Variants in ZNF470 observed in about 807,000 individuals in gnomAD.
The protein encoded by ZNF470 is chondrogenesis zinc finger protein 1.
In ZNF470, 13 loss-of-function variants were observed where a neutral mutation model predicts 13.9. The ratio of observed to expected loss-of-function variants is 0.94; its 90% CI spans 0.61 to 1.49. The LOEUF (loss-of-function observed/expected upper bound fraction) is 1.49. Among genes scored for constraint, ZNF470 ranks in the 40% most tolerant of loss-of-function variants. The pLI is 0.00. For synonymous variants in ZNF470, 293 were observed against 282.9 expected, an observed-to-expected ratio of 1.04 and a Z score of -0.36; for missense variants, 929 against 857.3, an observed-to-expected ratio of 1.08 and a Z score of -1.04.
chr19:56,573,293 C>T (rs907671231), intron 3 of ZNF470, among the ~76,000 whole-genome samples: 3 of 152,088 alleles, frequency 2.0e-5, no homozygotes, highest in Admixed American at 1.3e-4. Flanking sequence ...AGATCTGTTT[C>T]TTCATTTAAT....
At position 56,578,429 on chromosome 19, in the gene ZNF470, AT is replaced by A. The variant is rs1181844095; in HGVS notation, c.2001del (p.His667GlnfsTer86). 5 of 1,612,404 alleles carry A rather than the reference AT, an allele frequency of 3.1e-6. No individual in the cohort carries two copies. Among genetic ancestry groups the A allele is most frequent in the Non-Finnish European group, 3.4e-6 (4 of 1,179,174 alleles). On this transcript the variant is annotated frameshift_variant, in exon 6 of 6. Coordinates refer to ENST00000330619, the MANE Select transcript of ZNF470 (RefSeq NM_001001668.4). LOFTEE classifies it low-confidence loss of function (END_TRUNC). ...AFSQVAHLTLHKRIHTGERPY... is the reference protein window; with the variant it reads ...AFSQVAHLTLXKRIHTGERPY... ...AGCCAGGTTGCCCATCTTACTCTAC[AT>A]AAGAGAATTCATACTGGAGAAAGGC...
chr19:56,574,384 G>A lies in ZNF470; in HGVS notation c.61-10G>A, dbSNP rs2044474819. Reference sequence around the variant, plus strand: ...ACTGAGTGAGCAAGATCATATTTGTGTCATTTTAGGGTTCAGTGACTTTCA... The same window carrying A: ...ACTGAGTGAGCAAGATCATATTTGTATCATTTTAGGGTTCAGTGACTTTCA... On this transcript the variant is annotated splice_polypyrimidine_tract_variant and intron_variant, in intron 3 of 5. Transcript: ENST00000330619. The A allele has an allele frequency of 6.2e-7, 1 of 1,613,424 alleles. No homozygotes were observed. Among genetic ancestry groups the A allele is most frequent in the Admixed American group, 1.7e-5 (1 of 59,984 alleles).
Position 56,579,785 on chromosome 19 carries a change from T to A in ZNF470, c.*1202T>A. The A allele has an allele frequency of 1.1e-6, 1 of 939,710 alleles. No individual in the cohort carries two copies. Among genetic ancestry groups the A allele is most frequent in the Non-Finnish European group, 1.3e-6 (1 of 788,436 alleles). The allele number at this position is 939,710 out of a possible 1,614,324, so 58.2% of individuals were successfully genotyped here. ...GCTAGACATGCCTCTGTATAGAAAA[T>A]CTGATAAAAATATTTCTCCCTAAAT... On this transcript the variant is annotated 3_prime_UTR_variant, in exon 6 of 6. Transcript: ENST00000330619.
intron 3 of ZNF470, 174 bp from the exon 4 acceptor site, chr19:56,574,220 A>G: frequency 9.5e-7 from 1 of 1,049,182 alleles, no homozygotes; most frequent in Non-Finnish European, 1.5e-6. Context: ...GTACAGCATA[A>G]CTAGGCAGAA....
chr19:56,578,980 C>T lies in ZNF470; in HGVS notation c.*397C>T. The T allele has an allele frequency of 1.0e-6, 1 of 992,652 alleles. No homozygotes were observed. The highest frequency in any genetic ancestry group is 1.2e-6 in the Non-Finnish European group (1 of 835,118). The allele number at this position is 992,652 out of a possible 1,614,324, so 61.5% of individuals were successfully genotyped here. On this transcript the variant is annotated 3_prime_UTR_variant, in exon 6 of 6. Transcript: ENST00000330619. ...TTTAGAGCAGACAGAAGACTACTCT[C>T]CTGGTAGAGAGGAAAGATGAACAAA...
Position 56,581,136 on chromosome 19 carries a change from T to G in ZNF470, c.*2553T>G. The G allele has an allele frequency of 4.4e-6, 4 of 899,912 alleles. No homozygotes were observed. Among genetic ancestry groups the G allele is most frequent in the Non-Finnish European group, 5.3e-6 (4 of 752,330 alleles). 55.7% of individuals were successfully genotyped at this position (899,912 alleles called of 1,614,324 possible). On this transcript the variant is annotated 3_prime_UTR_variant, in exon 6 of 6. Transcript: ENST00000330619. ...GTTTGCAACAGATATAATAAAGGAC[T>G]GTAATTCGTGATATTCAAAGTACTA... is the stretch of plus-strand genomic sequence containing the variant.
At chr19:56,571,131 A>G (rs1324412181) in intron 3 of ZNF470, among the ~76,000 whole-genome samples, 1 of 152,234 alleles carries the variant, frequency 6.6e-6, no homozygotes, top group African/African-American at 2.4e-5. Flanking sequence ...TGAACAGAGT[A>G]TGCAAAGGTT....
At position 56,578,482 on chromosome 19, in the gene ZNF470, G is replaced by A. The variant is rs761116292; in HGVS notation, c.2053G>A (p.Ala685Thr). The A allele has an allele frequency of 3.1e-6, 5 of 1,612,208 alleles. No individual in the cohort carries two copies. The Admixed American group carries it at 5.0e-5, about 16-fold the overall frequency. ...RPYECKECGK[A>T]FRQSVHLAHH... ...CTATGAGTGTAAAGAATGTGGAAAA[G>A]CCTTCAGGCAGAGTGTACATCTTGC... The change falls in exon 6 of 6, where the codon GCC becomes ACC. Residue 685 changes from alanine to threonine, a missense_variant. Coordinates refer to ENST00000330619, the MANE Select transcript of ZNF470 (RefSeq NM_001001668.4).
rs1369687688 is a variant in ZNF470, at chr19:56,582,590, G to T, written c.*4007G>T. The T allele has an allele frequency of 4.1e-6, 4 of 985,074 alleles. No individual in the cohort carries two copies. In the African/African-American group the frequency reaches 7.0e-5, roughly 17 times the overall value. 61.0% of individuals were successfully genotyped at this position (985,074 alleles called of 1,614,324 possible). ...GCCTCTACCACCACCAAATTTACTT[G>T]TTGAAGTCCTAAACCCCAACATGAC... On this transcript the variant is annotated 3_prime_UTR_variant, in exon 6 of 6. Transcript: ENST00000330619.
At position 56,578,764 on chromosome 19, in the gene ZNF470, A is replaced by G. The variant is rs1488678422; in HGVS notation, c.*181A>G. ...AGCCTAACCTTTTAAAAATAAAAAT[A>G]CATAATTTATGTTATTTTCCCATTT... On this transcript the variant is annotated 3_prime_UTR_variant, in exon 6 of 6. Coordinates refer to ENST00000330619, the MANE Select transcript of ZNF470 (RefSeq NM_001001668.4). The G allele has an allele frequency of 8.0e-7, 1 of 1,246,900 alleles. No individual in the cohort carries two copies. Among genetic ancestry groups the G allele is most frequent in the Admixed American group, 3.7e-5 (1 of 27,048 alleles). 77.2% of individuals were successfully genotyped at this position (1,246,900 alleles called of 1,614,324 possible). A position where few individuals can be genotyped will look rare whatever the true frequency, so the allele number is the denominator to read the frequency against.
intron 3 of ZNF470, 144 bp downstream of exon 3, chr19:56,570,515 G>C: frequency 1.3e-6 from 1 of 756,298 alleles, no homozygotes; most frequent in Non-Finnish European, 2.2e-6. Context: ...TATGTGATGG[G>C]GTTGTGAGTG....
rs1488915090 is a variant in ZNF470 at position 56,579,157 on chromosome 19, C to T, written c.*574C>T. On this transcript the variant is annotated 3_prime_UTR_variant, in exon 6 of 6. Transcript: ENST00000330619. Reference sequence around the variant, plus strand: ...AAGCTTTTAGCTGGGTGCGGTGGCTCATGCCTGTAGTCCCAGCACTTTGGG... The same window carrying T: ...AAGCTTTTAGCTGGGTGCGGTGGCTTATGCCTGTAGTCCCAGCACTTTGGG... 1.2e-5 allele frequency: 12 copies of T among 985,288 alleles called. 1 individual carries two copies. In the South Asian group the frequency reaches 4.2e-4, roughly 35 times the overall value. 61.0% of individuals were successfully genotyped at this position (985,288 alleles called of 1,614,324 possible). A position where few individuals can be genotyped will look rare whatever the true frequency, so the allele number is the denominator to read the frequency against.
Position 56,579,693 on chromosome 19 carries a change from T to C in ZNF470, c.*1110T>C. ...TGCCAAAACATAAAAATATGTACAC[T>C]GCAATTAGTTTCTGAATGTAGATGT... is the stretch of plus-strand genomic sequence containing the variant. On this transcript the variant is annotated 3_prime_UTR_variant, in exon 6 of 6. Coordinates refer to ENST00000330619, the MANE Select transcript of ZNF470 (RefSeq NM_001001668.4). 1.0e-6 allele frequency: 1 copy of C among 985,224 alleles called. No homozygotes were observed. The highest frequency in any genetic ancestry group is 1.2e-6 in the Non-Finnish European group (1 of 829,742). The allele number at this position is 985,224 out of a possible 1,614,324, so 61.0% of individuals were successfully genotyped here.
intron 4 of ZNF470, 29 bp from the exon 5 acceptor site, chr19:56,574,609 G>A: frequency 6.2e-7 from 1 of 1,612,310 alleles, no homozygotes; most frequent in Non-Finnish European, 8.5e-7. Flanking sequence ...CACAGCATAG[G>A]CAATTTTTAT....
Position 56,581,631 on chromosome 19 carries a change from G to A in ZNF470, c.*3048G>A. ...GTGCTATACTAAATGAAAAATTGCA[G>A]ACCTGTATTGTAGTATAGGCCCATA... is the stretch of plus-strand genomic sequence containing the variant. On this transcript the variant is annotated 3_prime_UTR_variant, in exon 6 of 6. Coordinates refer to ENST00000330619, the MANE Select transcript of ZNF470 (RefSeq NM_001001668.4). 2.2e-6 allele frequency: 2 copies of A among 917,422 alleles called. No homozygotes were observed. Among genetic ancestry groups the A allele is most frequent in the Non-Finnish European group, 2.6e-6 (2 of 767,974 alleles). 56.8% of individuals were successfully genotyped at this position (917,422 alleles called of 1,614,324 possible).
chr19:56,576,406 A>G (rs1326692206), intron 5 of ZNF470, among the ~76,000 whole-genome samples: 1 of 152,202 alleles, frequency 6.6e-6, no homozygotes, highest in Non-Finnish European at 1.5e-5. Context: ...TTGTTTATGA[A>G]TACAGCATAT....
rs777133449 is a variant in ZNF470, at chr19:56,577,303, G to A, written c.874G>A (p.Ala292Thr). Residue 292 changes from alanine to threonine, a missense_variant, in exon 6 of 6, where the codon GCC becomes ACC. By Grantham distance (58) the Ala-to-Thr change is moderately conservative. Transcript: ENST00000330619. ...KPFECTECGK[A>T]FSQNAHLVQH... is the part of the protein sequence containing the mutation. The stretch of plus-strand genomic sequence containing the variant: ...TTTTGAATGTACTGAATGTGGGAAA[G>A]CCTTCAGCCAGAATGCTCATCTTGT... 6.9e-5 allele frequency: 112 copies of A among 1,613,700 alleles called. No homozygotes were observed. Among genetic ancestry groups the A allele is most frequent in the Non-Finnish European group, 8.6e-5 (102 of 1,179,846 alleles).
rs752181423 is a variant in ZNF470 at position 56,577,305 on chromosome 19, C to T, written c.876C>T (p.Ala292=). 1 of 1,613,658 alleles carries T rather than the reference C, an allele frequency of 6.2e-7. No individual in the cohort carries two copies. The highest frequency in any genetic ancestry group is 8.5e-7 in the Non-Finnish European group (1 of 1,179,812). The change falls in exon 6 of 6, where the codon GCC becomes GCT. Residue 292 remains alanine, a synonymous_variant. Transcript: ENST00000330619. ...TTGAATGTACTGAATGTGGGAAAGC[C>T]TTCAGCCAGAATGCTCATCTTGTTC... The part of the protein sequence containing the change: ...KPFECTECGK[A]FSQNAHLVQH...
At position 56,579,875 on chromosome 19, in the gene ZNF470, C is replaced by A; in HGVS notation, c.*1292C>A. The A allele has an allele frequency of 2.0e-6, 1 of 504,182 alleles. No individual in the cohort carries two copies. The highest frequency in any genetic ancestry group is 2.6e-6 in the Non-Finnish European group (1 of 390,660). 31.2% of individuals were successfully genotyped at this position (504,182 alleles called of 1,614,324 possible). On this transcript the variant is annotated 3_prime_UTR_variant, in exon 6 of 6. Coordinates refer to ENST00000330619, the MANE Select transcript of ZNF470 (RefSeq NM_001001668.4). Reference sequence around the variant, plus strand: ...TTTTAGTTGAGAAGCTGATTCTGATCATCTGTAGAATTTTGATTTTAACGA... The same window carrying A: ...TTTTAGTTGAGAAGCTGATTCTGATAATCTGTAGAATTTTGATTTTAACGA...
Sources: allele counts gnomAD v4.1 joint callset (sites outside exome capture counted in the v4.1 genomes callset), GRCh38; gene constraint gnomAD v4.1.1; transcripts MANE v1.5; gene names NCBI Gene and HGNC (gene_info 2026-07-23, HGNC 2026-07-21).